The following SHROOM3 variants were observed in gnomAD, a reference collection of about 807,000 sequenced individuals.
The protein encoded by SHROOM3 is protein Shroom3.
SHROOM3 carries 47 observed loss-of-function variants against 138.6 expected under a neutral mutation model. The ratio of observed to expected loss-of-function variants is 0.34; its 90% CI spans 0.27 to 0.43. SHROOM3 has a LOEUF of 0.43. Among genes scored for constraint, SHROOM3 ranks in the 20% least tolerant of loss-of-function variants. The pLI is 1.00. For synonymous variants in SHROOM3, 1,062 were observed against 1,063.3 expected, an observed-to-expected ratio of 1.00 and a Z score of 0.02; for missense variants, 2,491 against 2,596.5, an observed-to-expected ratio of 0.96 and a Z score of 0.88.
chr4:76,750,331 TA>T (rs1336522278), intron 6 of SHROOM3, among the ~76,000 whole-genome samples: 1 of 151,194 alleles, frequency 6.6e-6, no homozygotes, highest in South Asian at 2.1e-4. Context: ...TGGGCAAAGG[TA>T]AAAAAAAGAA....
At chr4:76,503,021 A>G (rs780056830) in intron 1 of SHROOM3, among the ~76,000 whole-genome samples, 1 of 152,194 alleles carries the variant, frequency 6.6e-6, no homozygotes. Flanking sequence ...CCTTGTGCCA[A>G]TATTATACAA....
At chr4:76,642,908 A>C (rs1364720993) in intron 2 of SHROOM3, among the ~76,000 whole-genome samples, 1 of 152,064 alleles carries the variant, frequency 6.6e-6, no homozygotes, top group Non-Finnish European at 1.5e-5. Flanking sequence ...TTCTCTCTAA[A>C]TGAGGTTAAA....
intron 2 of SHROOM3, among the ~76,000 whole-genome samples, chr4:76,622,742 A>C (rs1735037122): frequency 6.6e-6 from 1 of 152,084 alleles, no homozygotes; most frequent in Admixed American, 6.6e-5. Flanking sequence ...ATGGCCATGA[A>C]TATTTTTATT....
chr4:76,770,895 A>G lies in SHROOM3; in HGVS notation c.5619A>G (p.Glu1873=). ...SGLGEDASNE[E]RSSLYEKRKI... Reference sequence around the variant, plus strand: ...TTGGTGAAGATGCCAGTAATGAAGAAAGGGTAGGTGGCCTAGTGATGCAGT... The same window carrying G: ...TTGGTGAAGATGCCAGTAATGAAGAGAGGGTAGGTGGCCTAGTGATGCAGT... Residue 1873 remains glutamate (E), a synonymous_variant, in exon 10 of 11, where the codon GAA becomes GAG. Transcript: ENST00000296043. 6.2e-7 allele frequency: 1 copy of G among 1,614,206 alleles called. No homozygotes were observed. Among genetic ancestry groups the G allele is most frequent in the Non-Finnish European group, 8.5e-7 (1 of 1,180,020 alleles).
intron 4 of SHROOM3, among the ~76,000 whole-genome samples, chr4:76,737,090 G>A (rs955581808): frequency 6.6e-6 from 1 of 151,938 alleles, no homozygotes; most frequent in Non-Finnish European, 1.5e-5. Context: ...TCCTTGCATC[G>A]CCCCTAAGAC....
chr4:76,765,278 G>A (rs1357056476), intron 9 of SHROOM3, among the ~76,000 whole-genome samples: 1 of 151,100 alleles, frequency 6.6e-6, no homozygotes, highest in Non-Finnish European at 1.5e-5. Context: ...ACTTAGGGAG[G>A]CCAAGGCAGG....
chr4:76,688,444 A>G, intron 2 of SHROOM3: 1 of 985,200 alleles, frequency 1.0e-6, no homozygotes. Context: ...CTGTGTCTAT[A>G]TGCATATTTA....
Position 76,779,803 on chromosome 4 carries a change from G to A in SHROOM3, c.*626G>A, listed in dbSNP as rs1267644463. ...AATTCCAAAGATAGTCACGTTGAGC[G>A]TGAAGACTTTTTTTCTTACATTCCT... On this transcript the variant is annotated 3_prime_UTR_variant, in exon 11 of 11. Coordinates refer to ENST00000296043, the MANE Select transcript of SHROOM3 (RefSeq NM_020859.4). The A allele has an allele frequency of 1.2e-4, 19 of 152,866 alleles. No homozygotes were observed. Among genetic ancestry groups the A allele is most frequent in the Non-Finnish European group, 2.9e-5 (2 of 68,226 alleles). 9.5% of individuals were successfully genotyped at this position (152,866 alleles called of 1,614,324 possible).
At chr4:76,751,091 C>T (rs932879638) in intron 6 of SHROOM3, among the ~76,000 whole-genome samples, 1 of 152,196 alleles carries the variant, frequency 6.6e-6, no homozygotes, top group Non-Finnish European at 1.5e-5. Flanking sequence ...ATTTTGAGTA[C>T]TAAAAATTCT....
chr4:76,483,005 T>G (rs1359828290), intron 1 of SHROOM3, among the ~76,000 whole-genome samples: 1 of 152,162 alleles, frequency 6.6e-6, no homozygotes, highest in Non-Finnish European at 1.5e-5. Context: ...TAACTCAAGA[T>G]GGATTAAAGA....
At chr4:76,600,437 G>A (rs1052477375) in intron 2 of SHROOM3, among the ~76,000 whole-genome samples, 2 of 152,172 alleles carry the variant, frequency 1.3e-5, no homozygotes, top group Non-Finnish European at 2.9e-5. Context: ...GCAGAAAACT[G>A]TGGTACTTTC....
At chr4:76,534,671 G>A (rs916465369) in intron 1 of SHROOM3, among the ~76,000 whole-genome samples, 11 of 152,042 alleles carry the variant, frequency 7.2e-5, no homozygotes, top group Admixed American at 7.2e-4. Context: ...AGGGTAAGCA[G>A]CATCCTTAGC....
chr4:76,465,695 C>T (rs1030509456), intron 1 of SHROOM3, among the ~76,000 whole-genome samples: 1 of 152,148 alleles, frequency 6.6e-6, no homozygotes, highest in African/African-American at 2.4e-5. Flanking sequence ...CATCTGGTTC[C>T]ACCTTGGCAT....
chr4:76,522,863 CAT>C (rs1228142762), intron 1 of SHROOM3, among the ~76,000 whole-genome samples: 2 of 152,072 alleles, frequency 1.3e-5, no homozygotes, highest in African/African-American at 4.8e-5. Flanking sequence ...GCTATATTAA[CAT>C]ATCTTTTATA....
rs571198701 is a variant in SHROOM3 at position 76,551,887 on chromosome 4, A to C, written c.169-3722A>C. On this transcript the variant is annotated intron_variant, in intron 1 of 10. Coordinates refer to ENST00000296043, the MANE Select transcript of SHROOM3 (RefSeq NM_020859.4). Reference sequence around the variant, plus strand: ...TTATTATTATTTTTTTTTGAGACAGAGTCTCGCTCTGTCACCCAGGCTGGA... The same window carrying C: ...TTATTATTATTTTTTTTTGAGACAGCGTCTCGCTCTGTCACCCAGGCTGGA... Among the ~76,000 whole-genome samples the C allele has an allele frequency of 4.7e-4, 72 of 151,594 alleles. 1 individual carries two copies. In the South Asian group the frequency reaches 0.014, roughly 30 times the overall value.
intron 2 of SHROOM3, among the ~76,000 whole-genome samples, chr4:76,620,805 G>T (rs1021880215): frequency 6.6e-5 from 10 of 152,146 alleles, no homozygotes; most frequent in Non-Finnish European, 1.2e-4. Flanking sequence ...CCATCTTCCT[G>T]TGTAACGTTC....
Position 76,781,005 on chromosome 4 carries a change from G to A in SHROOM3, c.*1828G>A, listed in dbSNP as rs1420055655. The A allele has an allele frequency of 2.0e-5, 3 of 152,214 alleles. No individual in the cohort carries two copies. The highest frequency in any genetic ancestry group is 4.4e-5 in the Non-Finnish European group (3 of 68,050). The allele number at this position is 152,214 out of a possible 1,614,324, so 9.4% of individuals were successfully genotyped here. On this transcript the variant is annotated 3_prime_UTR_variant, in exon 11 of 11. Transcript: ENST00000296043. ...GGAAGACAGCCAGCAAACGTCTACA[G>A]TTATTCTTAGTGAAATTCCTCAGAG...
At chr4:76,658,914 G>A (rs1736123805) in intron 2 of SHROOM3, among the ~76,000 whole-genome samples, 1 of 151,956 alleles carries the variant, frequency 6.6e-6, no homozygotes, top group South Asian at 2.1e-4. Context: ...TCATTTCATA[G>A]TAAATCTTTT....
rs1356432114 is a variant in SHROOM3 at position 76,756,954 on chromosome 4, G to A, written c.5198+17G>A. On this transcript the variant is annotated intron_variant, in intron 8 of 10. Coordinates refer to ENST00000296043, the MANE Select transcript of SHROOM3 (RefSeq NM_020859.4). Reference sequence around the variant, plus strand: ...AGGCAAGAGGTAAGTCCCTGGTGATGTCCTCAGAGAGACTTACAATCACAC... The same window carrying A: ...AGGCAAGAGGTAAGTCCCTGGTGATATCCTCAGAGAGACTTACAATCACAC... 1.2e-6 allele frequency: 2 copies of A among 1,613,678 alleles called. No individual in the cohort carries two copies. The highest frequency in any genetic ancestry group is 1.7e-6 in the Non-Finnish European group (2 of 1,180,028).
Sources: allele counts gnomAD v4.1 joint callset (sites outside exome capture counted in the v4.1 genomes callset), GRCh38; gene constraint gnomAD v4.1.1; transcripts MANE v1.5; gene names NCBI Gene and HGNC (gene_info 2026-07-23, HGNC 2026-07-21).